The following CCL22 variants were observed in gnomAD, a reference collection of about 807,000 sequenced individuals.
The protein encoded by CCL22 is C-C motif chemokine 22.
In CCL22, 7 loss-of-function variants were observed where a neutral mutation model predicts 7.6. The ratio of observed to expected loss-of-function variants is 0.92; its 90% CI spans 0.52 to 1.72. The LOEUF (loss-of-function observed/expected upper bound fraction) is 1.72, where lower values mean the gene tolerates loss of function less well. Among genes scored for constraint, CCL22 ranks in the 40% most tolerant of loss-of-function variants. The pLI, the probability that CCL22 is intolerant of heterozygous loss-of-function variation, is 0.00. For missense variants in CCL22, 115 were observed against 124.7 expected (o/e 0.92, Z 0.37); for synonymous variants, 55 against 47.2 (o/e 1.17, Z -0.68).
intron 2 of CCL22, among the ~76,000 whole-genome samples, chr16:57,362,862 A>G (rs541115401): frequency 6.6e-5 from 4 of 60,494 alleles, no homozygotes; most frequent in Non-Finnish European, 2.8e-4. Flanking sequence ...ATCTCAAAAA[A>G]TAAAAACAAA....
rs545980376 is a variant in CCL22, at chr16:57,365,911, C to A, written c.*2323C>A. 1 of 152,400 alleles carries A rather than the reference C, an allele frequency of 6.6e-6. No individual in the cohort carries two copies. Among genetic ancestry groups the A allele is most frequent in the Admixed American group, 6.5e-5 (1 of 15,308 alleles). 9.4% of individuals were successfully genotyped at this position (152,400 alleles called of 1,614,324 possible). A position where few individuals can be genotyped will look rare whatever the true frequency, so the allele number is the denominator to read the frequency against. On this transcript the variant is annotated 3_prime_UTR_variant, in exon 3 of 3. Coordinates refer to ENST00000219235, the MANE Select transcript of CCL22 (RefSeq NM_002990.5). ...GGAGGAGGCCATTTCACTCCCTGAA[C>A]CCAGCCTGACAAATCACAGTGAGAA...
In CCL22 at chr16:57,358,856, C is replaced by T. The variant is rs1211154599; in HGVS notation, c.40C>T (p.Leu14Phe). 6.2e-6 allele frequency: 10 copies of T among 1,613,794 alleles called. No individual in the cohort carries two copies. The highest frequency in any genetic ancestry group is 8.5e-6 in the Non-Finnish European group (10 of 1,179,960). ...LQTALLVVLV[L>F]LAVALQATEA... ...GACTGCACTCCTGGTTGTCCTCGTC[C>T]TCCTTGCTGTGGCGCTTCAAGCAAC... The change falls in exon 1 of 3, where the codon CTC (leucine) becomes TTC (phenylalanine). Residue 14 changes from leucine (L) to phenylalanine (F), a missense_variant. Physicochemically the swap from Leu to Phe is conservative, Grantham distance 22. Transcript: ENST00000219235.
chr16:57,358,399 A>T (rs746491524), upstream of CCL22, among the ~76,000 whole-genome samples: 2 of 152,238 alleles, frequency 1.3e-5, no homozygotes, highest in Non-Finnish European at 2.9e-5. Context: ...GGGTTGGTCC[A>T]CGTTCTCACT....
rs983220446 is a variant in CCL22 at position 57,365,426 on chromosome 16, G to C, written c.*1838G>C. ...GAAGAATTTTAGGAACTGTGAGAGG[G>C]GGACAAGGTGGAGCTTTCCTGGCCC... On this transcript the variant is annotated 3_prime_UTR_variant, in exon 3 of 3. Coordinates refer to ENST00000219235, the MANE Select transcript of CCL22 (RefSeq NM_002990.5). The C allele has an allele frequency of 3.9e-5, 6 of 152,278 alleles. No homozygotes were observed. The highest frequency in any genetic ancestry group is 1.4e-4 in the African/African-American group (6 of 41,458). 9.4% of individuals were successfully genotyped at this position (152,278 alleles called of 1,614,324 possible).
At chr16:57,362,996 CT>C (rs1315093835) in intron 2 of CCL22, among the ~76,000 whole-genome samples, 49 of 148,058 alleles carry the variant, frequency 3.3e-4, no homozygotes, top group African/African-American at 7.6e-4. Context: ...GCCTCTTCCT[CT>C]TTTTTTTTTT....
chr16:57,360,617 A>G, intron 2 of CCL22, 57 bp downstream of exon 2: 1 of 1,606,288 alleles, frequency 6.2e-7, no homozygotes, highest in Non-Finnish European at 8.5e-7. Context: ...ACAGCCTGGG[A>G]TGGCCCAGGT....
chr16:57,362,167 G>A (rs547211525), intron 2 of CCL22, among the ~76,000 whole-genome samples: 33 of 152,298 alleles, frequency 2.2e-4, no homozygotes, highest in Middle Eastern at 3.4e-3. Flanking sequence ...ATAGTAAGAG[G>A]AAGGTGAAGA....
In CCL22 at chr16:57,365,484, C is replaced by G. The variant is rs1489161578; in HGVS notation, c.*1896C>G. 6.6e-6 allele frequency: 1 copy of G among 152,096 alleles called. No individual in the cohort carries two copies. Among genetic ancestry groups the G allele is most frequent in the Non-Finnish European group, 1.5e-5 (1 of 68,054 alleles). The allele number at this position is 152,096 out of a possible 1,614,324, so 9.4% of individuals were successfully genotyped here. A position where few individuals can be genotyped will look rare whatever the true frequency, so the allele number is the denominator to read the frequency against. On this transcript the variant is annotated 3_prime_UTR_variant, in exon 3 of 3. Coordinates refer to ENST00000219235, the MANE Select transcript of CCL22 (RefSeq NM_002990.5). ...AAGCTGGCTGTGGTAGCGTAGCGCTCTCTCTCTCTGTCTGTGGCAGGAGGC... is the reference window on the plus strand; with the variant it reads ...AAGCTGGCTGTGGTAGCGTAGCGCTGTCTCTCTCTGTCTGTGGCAGGAGGC...
At chr16:57,358,933 G>A in intron 1 of CCL22, 44 bp downstream of exon 1, 3 of 1,434,988 alleles carry the variant, frequency 2.1e-6, no homozygotes, top group Non-Finnish European at 2.9e-6. Context: ...GGCCAGGGCA[G>A]ACGGTGGGGT....
At chr16:57,358,514 G>A (rs924765522), upstream of CCL22, among the ~76,000 whole-genome samples, 8 of 152,354 alleles carry the variant, frequency 5.3e-5, no homozygotes, top group African/African-American at 1.9e-4. Context: ...AGGCCACACA[G>A]TGCAGAGACC....
chr16:57,360,549 G>C lies in CCL22; in HGVS notation c.186G>C (p.Arg62Ser). Reference sequence around the variant, plus strand: ...ACTGGACCTCAGACTCCTGCCCGAGGCCTGGCGTGGTGTGAGTAGGGAGCT... The same window carrying C: ...ACTGGACCTCAGACTCCTGCCCGAGCCCTGGCGTGGTGTGAGTAGGGAGCT... ...HFYWTSDSCPRPGVVLLTFRD... is the reference protein window; with the variant it reads ...HFYWTSDSCPSPGVVLLTFRD... Residue 62 changes from arginine (R) to serine (S), a missense_variant, in exon 2 of 3, where the codon AGG (arginine) becomes AGC (serine). Arg to Ser is a moderately radical substitution (Grantham distance 110, BLOSUM62 -1). Coordinates refer to ENST00000219235, the MANE Select transcript of CCL22 (RefSeq NM_002990.5). 6.2e-7 allele frequency: 1 copy of C among 1,614,156 alleles called. No homozygotes were observed. The highest frequency in any genetic ancestry group is 8.5e-7 in the Non-Finnish European group (1 of 1,180,012).
rs41494547 is a variant in CCL22 at position 57,365,890 on chromosome 16, G to A, written c.*2302G>A. On this transcript the variant is annotated 3_prime_UTR_variant, in exon 3 of 3. Coordinates refer to ENST00000219235, the MANE Select transcript of CCL22 (RefSeq NM_002990.5). ...GGTATTTGAACCTGTGGAATTGGAG[G>A]AGGCCATTTCACTCCCTGAACCCAG... The A allele has an allele frequency of 2.6e-5, 4 of 152,416 alleles. No homozygotes were observed. In the East Asian group the frequency reaches 7.7e-4, roughly 29 times the overall value. The allele number at this position is 152,416 out of a possible 1,614,324, so 9.4% of individuals were successfully genotyped here.
chr16:57,363,747 G>A lies in CCL22; in HGVS notation c.*159G>A. On this transcript the variant is annotated 3_prime_UTR_variant, in exon 3 of 3. Coordinates refer to ENST00000219235, the MANE Select transcript of CCL22 (RefSeq NM_002990.5). ...TGTCACCCTTGGTCACCTCCGTGCT[G>A]TCACTGCCATCTCCCCCCTGACCCC... 1.6e-6 allele frequency: 1 copy of A among 613,864 alleles called. No individual in the cohort carries two copies. Among genetic ancestry groups the A allele is most frequent in the South Asian group, 1.9e-5 (1 of 52,970 alleles). The allele number at this position is 613,864 out of a possible 1,614,324, so 38.0% of individuals were successfully genotyped here.
chr16:57,363,271 A>C (rs1399164633), intron 2 of CCL22, among the ~76,000 whole-genome samples: 1 of 152,206 alleles, frequency 6.6e-6, no homozygotes, highest in African/African-American at 2.4e-5. Context: ...CTGGGATTAC[A>C]GGCGTGAACT....
In CCL22 at chr16:57,364,605, A is replaced by C. The variant is rs1485994687; in HGVS notation, c.*1017A>C. 2.0e-5 allele frequency: 3 copies of C among 151,022 alleles called. No individual in the cohort carries two copies. Among genetic ancestry groups the C allele is most frequent in the Non-Finnish European group, 4.4e-5 (3 of 68,018 alleles). 9.4% of individuals were successfully genotyped at this position (151,022 alleles called of 1,614,324 possible). On this transcript the variant is annotated 3_prime_UTR_variant, in exon 3 of 3. Transcript: ENST00000219235. ...GTGATTCTCTTGCCTCAGCCTCCTG[A>C]GTAGCTGGGATTACAGGTTCCTGCT...
At chr16:57,361,455 A>T (rs1213723045) in intron 2 of CCL22, among the ~76,000 whole-genome samples, 1 of 152,136 alleles carries the variant, frequency 6.6e-6, no homozygotes, top group Non-Finnish European at 1.5e-5. Flanking sequence ...CAATCCTACG[A>T]GGAAGTTCAA....
chr16:57,357,959 T>C (rs1902004793), upstream of CCL22, among the ~76,000 whole-genome samples: 1 of 152,150 alleles, frequency 6.6e-6, no homozygotes, highest in Non-Finnish European at 1.5e-5. Context: ...GGCAGGGTTC[T>C]GAAGCAGGAG....
At chr16:57,359,223 G>C (rs1452041159) in intron 1 of CCL22, among the ~76,000 whole-genome samples, 7 of 152,164 alleles carry the variant, frequency 4.6e-5, no homozygotes, top group Non-Finnish European at 1.5e-5. Flanking sequence ...GTGGGGGAAG[G>C]CAGGGCTGGG....
chr16:57,363,776 A>T lies in CCL22; in HGVS notation c.*188A>T. 1.7e-6 allele frequency: 1 copy of T among 585,052 alleles called. No homozygotes were observed. Among genetic ancestry groups the T allele is most frequent in the Non-Finnish European group, 3.1e-6 (1 of 326,218 alleles). The allele number at this position is 585,052 out of a possible 1,614,324, so 36.2% of individuals were successfully genotyped here. A position where few individuals can be genotyped will look rare whatever the true frequency, so the allele number is the denominator to read the frequency against. On this transcript the variant is annotated 3_prime_UTR_variant, in exon 3 of 3. Coordinates refer to ENST00000219235, the MANE Select transcript of CCL22 (RefSeq NM_002990.5). Reference sequence around the variant, plus strand: ...CTGCCATCTCCCCCCTGACCCCTCTAACCCATCCTCTGCCTCCCTCCCTGC... The same window carrying T: ...CTGCCATCTCCCCCCTGACCCCTCTTACCCATCCTCTGCCTCCCTCCCTGC...
Sources: allele counts gnomAD v4.1 joint callset (sites outside exome capture counted in the v4.1 genomes callset), GRCh38; gene constraint gnomAD v4.1.1; transcripts MANE v1.5; gene names NCBI Gene and HGNC (gene_info 2026-07-23, HGNC 2026-07-21).